ROBO2: variants seen among roughly 807,000 people sequenced by gnomAD.
ROBO2 encodes the protein roundabout homolog 2.
ROBO2 carries 53 observed loss-of-function variants against 160.8 expected under a neutral mutation model. That is an observed-to-expected ratio of 0.33 (90% CI 0.26 to 0.41). The LOEUF is 0.41. Ranked by LOEUF, ROBO2 falls within the 10% of genes least tolerant of loss-of-function variation. ROBO2 has a pLI of 1.00. For synonymous variants in ROBO2, 664 were observed against 611.7 expected, an observed-to-expected ratio of 1.09 and a Z score of -1.26; for missense variants, 1,577 against 1,722.4, an observed-to-expected ratio of 0.92 and a Z score of 1.49.
At chr3:76,872,283 T>C (rs531574576) in intron 2 of ROBO2, among the ~76,000 whole-genome samples, 1 of 152,276 alleles carries the variant, frequency 6.6e-6, no homozygotes, top group African/African-American at 2.4e-5. Flanking sequence ...AATGTTTGTA[T>C]CATGACCTGA....
chr3:76,869,342 G>GTTTTTTTTTTTTT (rs34051755), intron 2 of ROBO2, among the ~76,000 whole-genome samples: 1 of 71,356 alleles, frequency 1.4e-5, no homozygotes, highest in Non-Finnish European at 2.6e-5. Context: ...AGAAATTGAT[G>GTTTTTTTTTTTTT]TTTTTTTTTT....
intron 2 of ROBO2, among the ~76,000 whole-genome samples, chr3:76,732,999 G>GC (rs900884424): frequency 1.4e-5 from 2 of 141,498 alleles, no homozygotes; most frequent in East Asian, 2.1e-4. Context: ...GGGGGTGGGG[G>GC]GGGGAGGTGT....
intron 4 of ROBO2, among the ~76,000 whole-genome samples, chr3:77,488,104 AG>A (rs2085603741): frequency 6.6e-6 from 1 of 152,172 alleles, no homozygotes; most frequent in East Asian, 1.9e-4. Context: ...ATTTTATTAT[AG>A]CTGTATATAA....
intron 6 of ROBO2, chr3:77,538,875 G>A (rs189225206): frequency 6.0e-6 from 3 of 497,320 alleles, no homozygotes; most frequent in Non-Finnish European, 1.2e-5. Flanking sequence ...CTTGTTGGTG[G>A]AGGCAAGCCT....
At chr3:76,526,028 C>T (rs560090925) in intron 2 of ROBO2, among the ~76,000 whole-genome samples, 1 of 151,908 alleles carries the variant, frequency 6.6e-6, no homozygotes, top group South Asian at 2.1e-4. Flanking sequence ...GATGACAAAT[C>T]ATTCAAATCG....
At chr3:77,486,897 C>T (rs2324827) in intron 4 of ROBO2, among the ~76,000 whole-genome samples, 3,535 of 152,134 alleles carry the variant, frequency 0.023, 150 homozygotes, top group African/African-American at 0.081. Context: ...AAGCTTTTTT[C>T]AAATGGCACA....
intron 2 of ROBO2, among the ~76,000 whole-genome samples, chr3:76,391,197 G>A (rs1486027287): frequency 3.3e-5 from 5 of 151,994 alleles, no homozygotes; most frequent in South Asian, 4.1e-4. Context: ...GTTTCTCAAC[G>A]ATCAAACAGG....
intron 2 of ROBO2, among the ~76,000 whole-genome samples, chr3:76,159,878 A>G (rs1354074189): frequency 6.6e-6 from 1 of 152,148 alleles, no homozygotes; most frequent in Non-Finnish European, 1.5e-5. Context: ...TTTAAGATTA[A>G]GAAACAAAAA....
intron 2 of ROBO2, among the ~76,000 whole-genome samples, chr3:77,174,840 GATTTCAT>G (rs1171418821): frequency 6.6e-6 from 1 of 151,956 alleles, no homozygotes; most frequent in Admixed American, 6.6e-5. Flanking sequence ...AATTCTATAA[GATTTCAT>G]GGAGAAAAGG....
chr3:77,595,836 G>A (rs1157011168), intron 18 of ROBO2, among the ~76,000 whole-genome samples: 1 of 152,052 alleles, frequency 6.6e-6, no homozygotes, highest in Non-Finnish European at 1.5e-5. Flanking sequence ...AGAAACACAT[G>A]TTTCTCTTAG....
intron 2 of ROBO2, among the ~76,000 whole-genome samples, chr3:76,210,099 G>T (rs1295091734): frequency 6.6e-6 from 1 of 152,060 alleles, no homozygotes; most frequent in Non-Finnish European, 1.5e-5. Context: ...GCAGATATTT[G>T]CATGTTACAG....
At chr3:76,173,569 G>A (rs1478404222) in intron 2 of ROBO2, among the ~76,000 whole-genome samples, 7 of 151,720 alleles carry the variant, frequency 4.6e-5, no homozygotes, top group Admixed American at 3.9e-4. Context: ...GTGTCCATGT[G>A]TTCTTATTGT....
chr3:77,446,448 T>C (rs1459599536), intron 2 of ROBO2, among the ~76,000 whole-genome samples: 1 of 152,108 alleles, frequency 6.6e-6, no homozygotes, highest in Non-Finnish European at 1.5e-5. Flanking sequence ...AAGTATTAAT[T>C]TCTCATTGCA....
At chr3:77,438,273 G>C (rs1327654481) in intron 2 of ROBO2, among the ~76,000 whole-genome samples, 1 of 151,754 alleles carries the variant, frequency 6.6e-6, no homozygotes, top group East Asian at 1.9e-4. Context: ...TGACCTCTGA[G>C]AGGGATGAGC....
chr3:77,334,011 C>T (rs1326354145), intron 2 of ROBO2, among the ~76,000 whole-genome samples: 1 of 152,118 alleles, frequency 6.6e-6, no homozygotes, highest in Non-Finnish European at 1.5e-5. Flanking sequence ...AAGTTAAAGT[C>T]ATACTCTAAC....
chr3:76,523,061 A>C lies in ROBO2; in HGVS notation c.110-574953A>C, dbSNP rs569095139. 9.9e-4 allele frequency among the ~76,000 whole-genome samples: 148 copies of C among 149,636 alleles called. No homozygotes were observed. The Middle Eastern group carries it at 0.011, about 11-fold the overall frequency. ...ATATTATATATATATTCTAGACCTA[A>C]CCTACAGCTAGTACTGCAAGTGGAA... On this transcript the variant is annotated intron_variant, in intron 2 of 26. Coordinates refer to the ROBO2 transcript ENST00000487694.
chr3:77,490,594 A>G (rs576073074), intron 4 of ROBO2, among the ~76,000 whole-genome samples: 1 of 152,112 alleles, frequency 6.6e-6, no homozygotes, highest in Non-Finnish European at 1.5e-5. Context: ...TTTGGCTTCA[A>G]GTAATATAAA....
chr3:77,435,310 A>C (rs1427955982), intron 2 of ROBO2, among the ~76,000 whole-genome samples: 3 of 151,832 alleles, frequency 2.0e-5, no homozygotes, highest in Non-Finnish European at 4.4e-5. Flanking sequence ...AAGAAAAAAC[A>C]CCTCCTTTTT....
intron 2 of ROBO2, among the ~76,000 whole-genome samples, chr3:76,411,563 T>C (rs1343790784): frequency 6.6e-6 from 1 of 152,156 alleles, no homozygotes; most frequent in East Asian, 1.9e-4. Flanking sequence ...CTGCCATAGT[T>C]CTTCAGACAA....
Sources: gnomAD v4.1 joint callset for allele counts (sites outside exome capture counted in the v4.1 genomes callset) on GRCh38, gnomAD v4.1.1 for gene constraint, MANE v1.5 for transcripts, NCBI Gene and HGNC (gene_info 2026-07-23, HGNC 2026-07-21) for gene names.